Variants in CENPT observed in about 807,000 individuals in gnomAD.
CENPT encodes interphase centromere complex protein 22.
Under a neutral mutation model 59.7 loss-of-function variants are expected in CENPT, and 42 were observed. The observed-to-expected ratio is 0.70, with a 90% confidence interval of 0.55 to 0.91. The LOEUF is 0.91. CENPT is among the 40% of genes least tolerant of loss of function. CENPT has a pLI of 0.00. For missense variants in CENPT, 716 were observed against 713.4 expected, an observed-to-expected ratio of 1.00 and a Z score of -0.04; for synonymous variants, 295 against 289.6, an observed-to-expected ratio of 1.02 and a Z score of -0.19.
rs759178266 is a variant in CENPT at position 67,833,886 on chromosome 16, G to C, written c.-27C>G. ...GTCTCGGCCCCGGGCCCTCCTAACC[G>C]CCCAGCCAGCTGCAGGCTCCGCCTT... On this transcript the variant is annotated 5_prime_UTR_variant, in exon 4 of 16. Coordinates refer to ENST00000562787, the MANE Select transcript of CENPT (RefSeq NM_025082.4). 2 of 1,409,974 alleles carry C rather than the reference G, an allele frequency of 1.4e-6. No homozygotes were observed. The highest frequency in any genetic ancestry group is 5.6e-5 in the East Asian group (2 of 35,786). The allele number at this position is 1,409,974 out of a possible 1,614,324, so 87.3% of individuals were successfully genotyped here.
intron 12 of CENPT, 89 bp downstream of exon 12, chr16:67,829,676 G>T: frequency 6.9e-7 from 1 of 1,439,156 alleles, no homozygotes; most frequent in Non-Finnish European, 9.6e-7. Context: ...CACCACCAGT[G>T]CCCGGAAACA....
At position 67,834,510 on chromosome 16, in the gene CENPT, T is replaced by G. The variant is rs147131247; in HGVS notation, c.-241-410A>C. ...GGTGCGCGCCTGTAGTCCCAGATAA[T>G]GGGGAGGCTGAGGCAGGAGCATTGC... On this transcript the variant is annotated intron_variant, in intron 3 of 15. Transcript: ENST00000562787. Among the ~76,000 whole-genome samples the G allele has an allele frequency of 1.5e-4, 23 of 152,074 alleles. No individual in the cohort carries two copies. In the East Asian group the frequency reaches 4.2e-3, roughly 28 times the overall value.
rs755096169 is a variant in CENPT, at chr16:67,842,542, G to T, written c.-492+4859C>A. 5.5e-5 allele frequency: 83 copies of T among 1,498,110 alleles called. No homozygotes were observed. Among genetic ancestry groups the T allele is most frequent in the Non-Finnish European group, 7.0e-5 (78 of 1,120,218 alleles). The allele number at this position is 1,498,110 out of a possible 1,614,324, so 92.8% of individuals were successfully genotyped here. On this transcript the variant is annotated intron_variant, in intron 1 of 15. Transcript: ENST00000562787. The surrounding 1 kb of genome is among the most constrained non-coding windows in gnomAD (Gnocchi z 4.9). Reference sequence around the variant, plus strand: ...GGAGGCCGGTGGGCCGGGCCGGGCCGCGCGGCGCAGCCATGCCTGGCTTTA... The same window carrying T: ...GGAGGCCGGTGGGCCGGGCCGGGCCTCGCGGCGCAGCCATGCCTGGCTTTA...
rs1284674068 is a variant in CENPT at position 67,831,892 on chromosome 16, T to C, written c.387-2A>G. 1.9e-6 allele frequency: 3 copies of C among 1,611,064 alleles called. No individual in the cohort carries two copies. Among genetic ancestry groups the C allele is most frequent in the Non-Finnish European group, 2.5e-6 (3 of 1,179,224 alleles). On this transcript the variant is annotated splice_acceptor_variant, in intron 7 of 15. Coordinates refer to ENST00000562787, the MANE Select transcript of CENPT (RefSeq NM_025082.4). LOFTEE classifies it high-confidence loss of function. ...AGCTCAGGAAGTTGCAGCTCCAGGC[T>C]ATAAGAATGGAGCTTATCTCAGACA...
At chr16:67,845,492 G>A (rs2057791522) in intron 1 of CENPT, among the ~76,000 whole-genome samples, 1 of 152,214 alleles carries the variant, frequency 6.6e-6, no homozygotes, top group South Asian at 2.1e-4. Context: ...GGTGGTGGAA[G>A]CACTGCAGTG....
rs1039821975 is a variant in CENPT at position 67,842,373 on chromosome 16, C to A, written c.-492+5028G>T. ...GCCAGGCGGGCGGCGCGGCGCGGGCCGGCAGGAAGCGTATTCTGGGCACGG... is the reference window on the plus strand; with the variant it reads ...GCCAGGCGGGCGGCGCGGCGCGGGCAGGCAGGAAGCGTATTCTGGGCACGG... On this transcript the variant is annotated intron_variant, in intron 1 of 15. Transcript: ENST00000562787. This position sits in a 1 kb window ranked among gnomAD's most constrained non-coding sequence, Gnocchi z 4.9. 3.8e-6 allele frequency: 1 copy of A among 264,346 alleles called. No individual in the cohort carries two copies. Among genetic ancestry groups the A allele is most frequent in the Non-Finnish European group, 6.4e-6 (1 of 156,168 alleles). The allele number at this position is 264,346 out of a possible 1,614,324, so 16.4% of individuals were successfully genotyped here.
In CENPT at chr16:67,833,818, C is replaced by T. The variant is rs781450726; in HGVS notation, c.42G>A (p.Thr14=). 1.1e-5 allele frequency: 18 copies of T among 1,575,206 alleles called. No individual in the cohort carries two copies. The highest frequency in any genetic ancestry group is 1.2e-5 in the South Asian group (1 of 86,826). ...HNPDSDSTPR[T]LLRRVLDTAD... is the part of the protein sequence containing the mutation. ...CTGTATCCAGCACGCGTCGCAGCAG[C>T]GTGCGCGGCGTGGAGTCGCTGTCAG... Residue 14 remains threonine, a synonymous_variant, in exon 4 of 16, where the codon ACG becomes ACA. Coordinates refer to ENST00000562787, the MANE Select transcript of CENPT (RefSeq NM_025082.4).
At chr16:67,832,351 C>T (rs2057701159) in intron 5 of CENPT, 36 bp from the exon 6 acceptor site, 1 of 1,612,512 alleles carries the variant, frequency 6.2e-7, no homozygotes, top group Non-Finnish European at 8.5e-7. Flanking sequence ...GTCTGTCCGT[C>T]TGCCTTGAGA....
intron 1 of CENPT, among the ~76,000 whole-genome samples, chr16:67,840,596 C>A (rs1370068682): frequency 1.8e-5 from 2 of 109,048 alleles, no homozygotes; most frequent in Non-Finnish European, 3.7e-5. Flanking sequence ...TTGCGGGGGG[C>A]GGGAGGAGGG....
At chr16:67,835,147 A>C (rs2057726995) in intron 3 of CENPT, 25 bp downstream of exon 3, 1 of 152,082 alleles carries the variant, frequency 6.6e-6, no homozygotes, top group Non-Finnish European at 1.5e-5. Flanking sequence ...GGCCATTAAA[A>C]ATTTTTAATG....
intron 10 of CENPT, 166 bp downstream of exon 10, chr16:67,831,050 C>G (rs746734004): frequency 6.0e-6 from 5 of 834,092 alleles, no homozygotes; most frequent in Non-Finnish European, 9.7e-6. Context: ...AGGAAAGAGG[C>G]CCCCTGTAGA....
intron 1 of CENPT, among the ~76,000 whole-genome samples, chr16:67,839,810 G>A (rs1211686501): frequency 6.6e-6 from 1 of 151,452 alleles, no homozygotes. Flanking sequence ...GGAGGTGGAG[G>A]TTGCAGTAAG....
chr16:67,845,928 T>G (rs919426471), intron 1 of CENPT, among the ~76,000 whole-genome samples: 3 of 152,222 alleles, frequency 2.0e-5, no homozygotes, highest in African/African-American at 7.2e-5. Context: ...AAAACTCTTG[T>G]GGAAGAACAG....
rs374862965 is a variant in CENPT, at chr16:67,842,947, G to A, written c.-492+4454C>T. On this transcript the variant is annotated intron_variant, in intron 1 of 15. Transcript: ENST00000562787. This position sits in a 1 kb window ranked among gnomAD's most constrained non-coding sequence, Gnocchi z 4.9. ...AGCAGCAGCAGCAGCAGCAGCAGCA[G>A]CAGTCCTCACCCTCTGCCTCCACTG... 2 of 1,600,928 alleles carry A rather than the reference G, an allele frequency of 1.2e-6. No individual in the cohort carries two copies. The highest frequency in any genetic ancestry group is 8.5e-7 in the Non-Finnish European group (1 of 1,172,072).
rs1340155392 is a variant in CENPT, at chr16:67,843,063, C to A, written c.-492+4338G>T. 4.3e-6 allele frequency: 7 copies of A among 1,611,860 alleles called. No individual in the cohort carries two copies. Among genetic ancestry groups the A allele is most frequent in the Non-Finnish European group, 5.9e-6 (7 of 1,180,034 alleles). The stretch of plus-strand genomic sequence containing the variant: ...GCCACTGTAGACAGCAGTCAGGCTC[C>A]GGGATCCGTACAGCCGGCGCCCATC... On this transcript the variant is annotated intron_variant, in intron 1 of 15. Coordinates refer to ENST00000562787, the MANE Select transcript of CENPT (RefSeq NM_025082.4). The surrounding 1 kb of genome is among the most constrained non-coding windows in gnomAD (Gnocchi z 5.7).
At chr16:67,844,358 C>T (rs1387415475) in intron 1 of CENPT, among the ~76,000 whole-genome samples, 2 of 152,184 alleles carry the variant, frequency 1.3e-5, no homozygotes, top group Non-Finnish European at 2.9e-5. Flanking sequence ...GGATCCTGGC[C>T]TTATAAGGTC....
chr16:67,842,755 C>G lies in CENPT; in HGVS notation c.-492+4646G>C. The stretch of plus-strand genomic sequence containing the variant: ...GTCTCTGCAGCGTTCACTTCCAGGG[C>G]GGCCGCAAGACCTACACGGTACGCG... On this transcript the variant is annotated intron_variant, in intron 1 of 15. Coordinates refer to ENST00000562787, the MANE Select transcript of CENPT (RefSeq NM_025082.4). The surrounding 1 kb of genome is among the most constrained non-coding windows in gnomAD (Gnocchi z 4.9). 6.2e-7 allele frequency: 1 copy of G among 1,609,216 alleles called. No individual in the cohort carries two copies. Among genetic ancestry groups the G allele is most frequent in the Non-Finnish European group, 8.5e-7 (1 of 1,178,018 alleles).
intron 1 of CENPT, 39 bp from the exon 2 acceptor site, chr16:67,835,697 C>T (rs1397453684): frequency 6.6e-6 from 1 of 152,130 alleles, no homozygotes; most frequent in East Asian, 1.9e-4. Flanking sequence ...TAGATTCTTG[C>T]TTCTCAAAAT....
Position 67,828,479 on chromosome 16 carries a change from C to T in CENPT, c.1557G>A (p.Met519Ile), listed in dbSNP as rs765280258. The T allele has an allele frequency of 1.2e-6, 2 of 1,614,250 alleles. No homozygotes were observed. Among genetic ancestry groups the T allele is most frequent in the East Asian group, 4.5e-5 (2 of 44,888 alleles). ...CACACCTTCCGCCTTCTCACCGCCG[C>T]ATCAGCAGCTCCAGGTCCTCTGGCT... ...TVKPEDLELLMRRQGLVTDQV... is the reference protein window; with the variant it reads ...TVKPEDLELLIRRQGLVTDQV... The change falls in exon 15 of 16, where the codon ATG becomes ATA. Residue 519 changes from methionine (M) to isoleucine (I), a missense_variant. Physicochemically the swap from Met to Ile is conservative, Grantham distance 10. Transcript: ENST00000562787.
Sources: allele counts gnomAD v4.1 joint callset (sites outside exome capture counted in the v4.1 genomes callset), GRCh38; gene constraint gnomAD v4.1.1; non-coding constraint Gnocchi (gnomAD v3.1); transcripts MANE v1.5; gene names NCBI Gene and HGNC (gene_info 2026-07-23, HGNC 2026-07-21).